RALGPS2: variants seen among roughly 807,000 people sequenced by gnomAD.
The protein encoded by RALGPS2 is ras-specific guanine nucleotide-releasing factor RalGPS2.
A neutral mutation model predicts 86.8 loss-of-function variants in RALGPS2; 43 were observed. That is an observed-to-expected ratio of 0.50 (90% CI 0.39 to 0.64). RALGPS2 has a LOEUF of 0.64. Ranked by LOEUF, RALGPS2 falls within the 30% of genes least tolerant of loss-of-function variation. The pLI is 0.00. For synonymous variants in RALGPS2, 243 were observed against 231.3 expected (o/e 1.05, Z -0.46); for missense variants, 536 against 694.6 (o/e 0.77, Z 2.57).
At chr1:178,858,098 T>C (rs1657717017) in intron 8 of RALGPS2, among the ~76,000 whole-genome samples, 1 of 152,170 alleles carries the variant, frequency 6.6e-6, no homozygotes, top group Non-Finnish European at 1.5e-5. Flanking sequence ...TTCCAGAACA[T>C]ATGGATAAAA....
rs1437742648 is a variant in RALGPS2, at chr1:178,920,802, T to C, written c.*4443T>C. ...AATATTTGAGTTTTGTTAAATGTAC[T>C]GAAATCTTGTAATGAAAATCCCTTT... On this transcript the variant is annotated 3_prime_UTR_variant, in exon 20 of 20. Coordinates refer to ENST00000367635, the MANE Select transcript of RALGPS2 (RefSeq NM_152663.5). 6.6e-6 allele frequency: 1 copy of C among 152,058 alleles called. No homozygotes were observed. The highest frequency in any genetic ancestry group is 1.5e-5 in the Non-Finnish European group (1 of 67,930). The allele number at this position is 152,058 out of a possible 1,614,324, so 9.4% of individuals were successfully genotyped here.
chr1:178,784,492 T>C lies in RALGPS2; in HGVS notation c.132T>C (p.Asp44=). 1 of 1,605,366 alleles carries C rather than the reference T, an allele frequency of 6.2e-7. No individual in the cohort carries two copies. The highest frequency in any genetic ancestry group is 1.1e-5 in the South Asian group (1 of 89,430). ...LKKSFDAVVF[D]VLKVTPEEYA... Reference sequence around the variant, plus strand: ...AAAGCTTTGATGCTGTGGTATTCGATGTTCTTAAGGTTACACCAGAAGAAT... The same window carrying C: ...AAAGCTTTGATGCTGTGGTATTCGACGTTCTTAAGGTTACACCAGAAGAAT... The change falls in exon 3 of 20, where the codon GAT becomes GAC. Residue 44 remains aspartate (D), a synonymous_variant. Coordinates refer to ENST00000367635, the MANE Select transcript of RALGPS2 (RefSeq NM_152663.5).
At chr1:178,860,225 ATAACAT>A (rs1657906099) in intron 8 of RALGPS2, among the ~76,000 whole-genome samples, 1 of 152,170 alleles carries the variant, frequency 6.6e-6, no homozygotes, top group South Asian at 2.1e-4. Context: ...CAGGCACCAA[ATAACAT>A]TAATAGTTAA....
chr1:178,913,168 G>A (rs577670166), intron 19 of RALGPS2, among the ~76,000 whole-genome samples: 5 of 152,144 alleles, frequency 3.3e-5, no homozygotes, highest in Admixed American at 6.5e-5. Flanking sequence ...TGTAGTCCCA[G>A]CCACTAGGGA....
intron 1 of RALGPS2, among the ~76,000 whole-genome samples, chr1:178,775,318 A>G (rs190143042): frequency 2.6e-5 from 4 of 152,266 alleles, no homozygotes; most frequent in Admixed American, 2.0e-4. Context: ...ACTATATCCT[A>G]TATTGCTTCT....
At chr1:178,864,349 G>A (rs980497517) in intron 8 of RALGPS2, among the ~76,000 whole-genome samples, 6 of 152,026 alleles carry the variant, frequency 3.9e-5, no homozygotes, top group Non-Finnish European at 8.8e-5. Flanking sequence ...TTGGAAAATA[G>A]GAGGGATACC....
At chr1:178,882,948 A>G (rs1659322223) in intron 10 of RALGPS2, among the ~76,000 whole-genome samples, 1 of 152,198 alleles carries the variant, frequency 6.6e-6, no homozygotes, top group Admixed American at 6.5e-5. Flanking sequence ...TATATTTAAT[A>G]ATACATATGA....
At chr1:178,868,177 C>G (rs1486464205) in intron 8 of RALGPS2, among the ~76,000 whole-genome samples, 1 of 151,774 alleles carries the variant, frequency 6.6e-6, no homozygotes, top group Non-Finnish European at 1.5e-5. Context: ...AAACAGTCAT[C>G]TATTTTATTT....
intron 8 of RALGPS2, among the ~76,000 whole-genome samples, chr1:178,843,508 T>G (rs1292358794): frequency 6.0e-5 from 4 of 67,164 alleles, no homozygotes; most frequent in Non-Finnish European, 1.1e-4. Context: ...TGTGGTGGGG[T>G]GGGGGGAGGG....
At chr1:178,844,026 T>A (rs1656745893) in intron 8 of RALGPS2, among the ~76,000 whole-genome samples, 1 of 152,206 alleles carries the variant, frequency 6.6e-6, no homozygotes. Context: ...TTTCTATTCA[T>A]GTGAAGGGAG....
At chr1:178,872,085 C>G (rs1658789933) in intron 8 of RALGPS2, among the ~76,000 whole-genome samples, 1 of 152,198 alleles carries the variant, frequency 6.6e-6, no homozygotes, top group Non-Finnish European at 1.5e-5. Context: ...ATGCCACACT[C>G]TCTGTCATTG....
At chr1:178,737,571 A>G (rs974362250) in intron 1 of RALGPS2, among the ~76,000 whole-genome samples, 28 of 151,924 alleles carry the variant, frequency 1.8e-4, no homozygotes, top group Admixed American at 1.2e-3. Context: ...CAGATGATCA[A>G]TCTCTTCTTT....
chr1:178,815,726 A>C (rs1655194623), intron 6 of RALGPS2, among the ~76,000 whole-genome samples: 1 of 152,164 alleles, frequency 6.6e-6, no homozygotes, highest in Admixed American at 6.5e-5. Flanking sequence ...TTCATGTTGC[A>C]ACAAAGTTCC....
intron 7 of RALGPS2, among the ~76,000 whole-genome samples, chr1:178,830,834 A>G (rs528617016): frequency 1.4e-3 from 215 of 152,322 alleles, no homozygotes; most frequent in Non-Finnish European, 2.9e-3. Context: ...GATATGTGCA[A>G]CAGTTAGTTG....
At chr1:178,783,120 G>A (rs1057075119) in intron 2 of RALGPS2, among the ~76,000 whole-genome samples, 4 of 152,130 alleles carry the variant, frequency 2.6e-5, no homozygotes, top group Non-Finnish European at 5.9e-5. Context: ...TACAGCATGC[G>A]AGAACAAATG....
intron 1 of RALGPS2, among the ~76,000 whole-genome samples, chr1:178,756,027 C>G (rs1393192454): frequency 1.3e-5 from 2 of 151,912 alleles, no homozygotes; most frequent in Non-Finnish European, 2.9e-5. Context: ...TTTGTTTTTG[C>G]TTGTTCAATT....
chr1:178,789,549 C>T (rs1653848533), intron 4 of RALGPS2, among the ~76,000 whole-genome samples: 1 of 152,158 alleles, frequency 6.6e-6, no homozygotes, highest in South Asian at 2.1e-4. Flanking sequence ...ACAGATTTTG[C>T]AGGAGTTTGG....
intron 4 of RALGPS2, among the ~76,000 whole-genome samples, chr1:178,795,791 A>G (rs555607500): frequency 6.6e-6 from 1 of 152,334 alleles, no homozygotes; most frequent in South Asian, 2.1e-4. Flanking sequence ...TCTCTGTGCA[A>G]ACCTTCTAGT....
intron 4 of RALGPS2, among the ~76,000 whole-genome samples, chr1:178,788,367 A>G (rs1443479538): frequency 2.6e-5 from 4 of 152,224 alleles, no homozygotes; most frequent in African/African-American, 9.6e-5. Context: ...AGCCAACACT[A>G]AAATTCCTGC....
Sources: allele counts gnomAD v4.1 joint callset (sites outside exome capture counted in the v4.1 genomes callset), GRCh38; gene constraint gnomAD v4.1.1; transcripts MANE v1.5; gene names NCBI Gene and HGNC (gene_info 2026-07-23, HGNC 2026-07-21).